Variants in TBC1D2 observed in about 807,000 individuals in gnomAD.
The protein encoded by TBC1D2 is TBC1 domain family member 2A.
In TBC1D2, 58 loss-of-function variants were observed where a neutral mutation model predicts 91.1. That is an observed-to-expected ratio of 0.64 (90% CI 0.52 to 0.79). The LOEUF is 0.79. Among genes scored for constraint, TBC1D2 ranks in the 30% least tolerant of loss-of-function variants. TBC1D2 has a pLI of 0.00. For missense variants in TBC1D2, 1,080 were observed against 1,208.3 expected, an observed-to-expected ratio of 0.89 and a Z score of 1.57; for synonymous variants, 482 against 511.5, an observed-to-expected ratio of 0.94 and a Z score of 0.78.
At chr9:98,209,990 CTT>C (rs756153569) in intron 8 of TBC1D2, among the ~76,000 whole-genome samples, 48 of 140,634 alleles carry the variant, frequency 3.4e-4, no homozygotes, top group African/African-American at 5.7e-4. Flanking sequence ...CACCACTCTT[CTT>C]TTTTTTTTTT....
intron 3 of TBC1D2, among the ~76,000 whole-genome samples, chr9:98,233,935 G>A (rs746145355): frequency 6.6e-6 from 1 of 152,228 alleles, no homozygotes; most frequent in East Asian, 1.9e-4. Flanking sequence ...TTGAGTGAAT[G>A]CTGAATGGAC....
intron 1 of TBC1D2, among the ~76,000 whole-genome samples, chr9:98,252,504 T>C (rs894089446): frequency 2.0e-5 from 3 of 152,180 alleles, no homozygotes; most frequent in African/African-American, 7.2e-5. Context: ...AACAAGTTCA[T>C]GGTAAATGCT....
At chr9:98,221,786 T>C (rs771538954) in intron 5 of TBC1D2, among the ~76,000 whole-genome samples, 16 of 152,194 alleles carry the variant, frequency 1.1e-4, no homozygotes, top group Non-Finnish European at 1.9e-4. Context: ...TGGAGTGCAG[T>C]GGCACAGACA....
In TBC1D2 at chr9:98,240,018, GCT is replaced by G. The variant is rs1443156230; in HGVS notation, c.647+3974_647+3975del. Among the ~76,000 whole-genome samples the G allele has an allele frequency of 2.6e-5, 4 of 152,186 alleles. No homozygotes were observed. In the East Asian group the frequency reaches 7.7e-4, roughly 29 times the overall value. ...TTGTTTCTGTAAGGTTGGTAGCAATGCTCTCTTTTGTTCTTGACTTTAGTAAT... is the reference window on the plus strand; with the variant it reads ...TTGTTTCTGTAAGGTTGGTAGCAATGCTCTTTTGTTCTTGACTTTAGTAAT... On this transcript the variant is annotated intron_variant, in intron 3 of 12. Coordinates refer to ENST00000465784, the MANE Select transcript of TBC1D2 (RefSeq NM_001267571.2).
intron 4 of TBC1D2, among the ~76,000 whole-genome samples, chr9:98,230,602 C>T (rs1007772514): frequency 2.0e-5 from 3 of 152,128 alleles, no homozygotes; most frequent in Non-Finnish European, 2.9e-5. Flanking sequence ...AGAGTTACTC[C>T]AGTAGGTGAC....
At position 98,208,843 on chromosome 9, in the gene TBC1D2, C is replaced by T; in HGVS notation, c.1975G>A (p.Gly659Ser). 6.2e-7 allele frequency: 1 copy of T among 1,610,740 alleles called. No homozygotes were observed. The highest frequency in any genetic ancestry group is 1.1e-5 in the South Asian group (1 of 90,982). Residue 659 changes from glycine (G) to serine (S), a missense_variant, in exon 9 of 13, where the codon GGC becomes AGC. By Grantham distance (56) the Gly-to-Ser change is moderately conservative (BLOSUM62 0). Coordinates refer to ENST00000465784, the MANE Select transcript of TBC1D2 (RefSeq NM_001267571.2). ...GCAGCAGGGTGCTCGCGGGCCTGGC[C>T]CCGGCTCAGCAGTTCCTGGTAGCAG... ...PGCYQELLSRGQAREHPAARQ... is the reference protein window; with the variant it reads ...PGCYQELLSRSQAREHPAARQ...
intron 3 of TBC1D2, among the ~76,000 whole-genome samples, chr9:98,234,078 C>T (rs1829443025): frequency 6.6e-6 from 1 of 152,210 alleles, no homozygotes; most frequent in Non-Finnish European, 1.5e-5. Flanking sequence ...TGCTCTCTTT[C>T]CCTGCTCAGA....
intron 7 of TBC1D2, among the ~76,000 whole-genome samples, chr9:98,212,112 C>T (rs533619016): frequency 6.8e-4 from 104 of 152,186 alleles, no homozygotes; most frequent in Admixed American, 1.1e-3. Context: ...TCAGGGATTT[C>T]TGCTGCTGAT....
At chr9:98,236,423 G>A (rs754255399) in intron 3 of TBC1D2, among the ~76,000 whole-genome samples, 1 of 152,072 alleles carries the variant, frequency 6.6e-6, no homozygotes, top group South Asian at 2.1e-4. Context: ...GGGTTTTGCC[G>A]TTTTGGTCAG....
At chr9:98,208,549 A>G (rs1588032123) in intron 9 of TBC1D2, 119 bp downstream of exon 9, 2 of 962,098 alleles carry the variant, frequency 2.1e-6, no homozygotes, top group Non-Finnish European at 1.5e-6. Context: ...CCCACTGCTC[A>G]CCTCCTGCTG....
At chr9:98,212,587 C>T (rs372700989) in intron 7 of TBC1D2, among the ~76,000 whole-genome samples, 325 of 152,092 alleles carry the variant, frequency 2.1e-3, no homozygotes, top group African/African-American at 7.5e-3. Context: ...CTGCAAGCTC[C>T]GCCTCCCAGG....
chr9:98,255,254 G>C lies in TBC1D2; in HGVS notation c.288C>G (p.Ser96=). Residue 96 remains serine, a synonymous_variant, in exon 1 of 13, where the codon TCC becomes TCG. Transcript: ENST00000465784. ...CCGCCTTACAGTCAAACACTGCACT[G>C]GAGAGGTCGATGCTGTCCAAGGGAT... ...DANPLDSIDL[S]SAVFDCKADA... 6.2e-7 allele frequency: 1 copy of C among 1,614,238 alleles called. No homozygotes were observed. Among genetic ancestry groups the C allele is most frequent in the South Asian group, 1.1e-5 (1 of 91,088 alleles).
chr9:98,223,304 A>G (rs10985508), intron 5 of TBC1D2, among the ~76,000 whole-genome samples: 15,757 of 152,228 alleles, frequency 0.1, 1,064 homozygotes, highest in South Asian at 0.19. Flanking sequence ...TGGCCAAGCT[A>G]CAGCCCCAGT....
intron 2 of TBC1D2, among the ~76,000 whole-genome samples, chr9:98,250,722 C>T (rs1371008743): frequency 6.6e-6 from 1 of 152,146 alleles, no homozygotes. Flanking sequence ...GCCTATTTGG[C>T]CTCCCTGTCA....
Position 98,250,723 on chromosome 9 carries a change from CT to C in TBC1D2, c.511+1061del, listed in dbSNP as rs565889742. Among the ~76,000 whole-genome samples the C allele has an allele frequency of 1.4e-3, 210 of 152,292 alleles. 1 individual carries two copies. The highest frequency in any genetic ancestry group is 4.8e-3 in the African/African-American group (199 of 41,554). On this transcript the variant is annotated intron_variant, in intron 2 of 12. Transcript: ENST00000465784. ...CAAGTCCTGCCCTTGCCTATTTGGC[CT>C]CCCTGTCAACTGAACATGAAGCACT...
chr9:98,213,050 T>A (rs1435541404), intron 7 of TBC1D2, 58 bp downstream of exon 7: 1 of 1,585,328 alleles, frequency 6.3e-7, no homozygotes, highest in Non-Finnish European at 8.7e-7. Flanking sequence ...GTGGGCAGCA[T>A]GGGGACCAGC....
rs536328499 is a variant in TBC1D2, at chr9:98,213,111, C to T, written c.1482G>A (p.Thr494=). 123 of 1,614,102 alleles carry T rather than the reference C, an allele frequency of 7.6e-5. No individual in the cohort carries two copies. Among genetic ancestry groups the T allele is most frequent in the Non-Finnish European group, 9.8e-5 (116 of 1,180,026 alleles). ...KVAEKEKALL[T]KCAYLQARNC... ...GGAATAGGGCCCCACCCCGCACCTT[C>T]GTCAGAAGGGCCTTCTCCTTCTCAG... is the stretch of plus-strand genomic sequence containing the variant. The change falls in exon 7 of 13, where the codon ACG becomes ACA. Residue 494 remains threonine, a synonymous_variant. Transcript: ENST00000465784.
intron 7 of TBC1D2, among the ~76,000 whole-genome samples, chr9:98,212,216 T>G (rs556084666): frequency 6.6e-6 from 1 of 152,210 alleles, no homozygotes; most frequent in African/African-American, 2.4e-5. Flanking sequence ...AGAAGTCTGA[T>G]TGAGGACTTC....
At chr9:98,230,336 T>C (rs1829335894) in intron 4 of TBC1D2, among the ~76,000 whole-genome samples, 1 of 152,260 alleles carries the variant, frequency 6.6e-6, no homozygotes, top group Non-Finnish European at 1.5e-5. Context: ...TACAGCCACA[T>C]TTACTGCCTA....
Sources: allele counts gnomAD v4.1 joint callset (sites outside exome capture counted in the v4.1 genomes callset), GRCh38; gene constraint gnomAD v4.1.1; transcripts MANE v1.5; gene names NCBI Gene and HGNC (gene_info 2026-07-23, HGNC 2026-07-21).